Variants in AFP observed in about 807,000 individuals in gnomAD.
AFP encodes the protein alpha-fetoprotein.
Under a neutral mutation model 78.9 loss-of-function variants are expected in AFP, and 64 were observed. The observed-to-expected ratio is 0.81, with a 90% confidence interval of 0.66 to 1.00. The LOEUF (loss-of-function observed/expected upper bound fraction) is 1.00. Among genes scored for constraint, AFP ranks in the 50% least tolerant of loss-of-function variants. The probability of loss-of-function intolerance (pLI) is 0.00; values close to 1 mark genes in which losing one functional copy is unlikely to be tolerated. For synonymous variants in AFP, 254 were observed against 243.8 expected, an observed-to-expected ratio of 1.04 and a Z score of -0.39; for missense variants, 689 against 703.8, an observed-to-expected ratio of 0.98 and a Z score of 0.24.
chr4:73,445,265 C>T (rs1285174178), intron 7 of AFP, 143 bp downstream of exon 7: 13 of 1,000,326 alleles, frequency 1.3e-5, no homozygotes, highest in African/African-American at 3.3e-5. Flanking sequence ...GCAGAATTCT[C>T]GGTAGTAAAA....
chr4:73,443,399 C>A lies in AFP; in HGVS notation c.668C>A (p.Ala223Glu). The A allele has an allele frequency of 6.2e-7, 1 of 1,613,750 alleles. No individual in the cohort carries two copies. The highest frequency in any genetic ancestry group is 1.3e-5 in the African/African-American group (1 of 75,016). Residue 223 changes from alanine to glutamate, a missense_variant, in exon 6 of 15, where the codon GCA becomes GAA. Physicochemically the swap from Ala to Glu is moderately radical, Grantham distance 107. Transcript: ENST00000395792. The stretch of plus-strand genomic sequence containing the variant: ...GAAAGCAGCTTGTTAAATCAACATG[C>A]ATGTGCAGTAATGAAAAATTTTGGG... ...LRESSLLNQH[A>E]CAVMKNFGTR... is the part of the protein sequence containing the mutation.
At chr4:73,445,339 G>A (rs1244326923) in intron 7 of AFP, among the ~76,000 whole-genome samples, 4 of 151,886 alleles carry the variant, frequency 2.6e-5, no homozygotes, top group Non-Finnish European at 5.9e-5. Flanking sequence ...TGAAACCAAG[G>A]CTCATCTATT....
At chr4:73,444,540 C>T (rs575486300) in intron 6 of AFP, among the ~76,000 whole-genome samples, 1 of 152,266 alleles carries the variant, frequency 6.6e-6, no homozygotes, top group South Asian at 2.1e-4. Context: ...TAATCTGCTC[C>T]ACTTTCTTGT....
Position 73,456,039 on chromosome 4 carries a change from T to C in AFP, c.*419T>C, listed in dbSNP as rs1720149714. On this transcript the variant is annotated 3_prime_UTR_variant, in exon 15 of 15. Coordinates refer to ENST00000395792, the MANE Select transcript of AFP (RefSeq NM_001134.3). ...AGTATTCTAACAGATAATCTGGAGA[T>C]GAGAAAAGAAATTATTATTCTTCTA... The C allele has an allele frequency of 1.2e-5, 2 of 171,698 alleles. No homozygotes were observed. The highest frequency in any genetic ancestry group is 1.2e-5 in the Non-Finnish European group (1 of 81,520). The allele number at this position is 171,698 out of a possible 1,614,324, so 10.6% of individuals were successfully genotyped here.
At chr4:73,447,799 C>T in intron 8 of AFP, 123 bp downstream of exon 8, 2 of 816,626 alleles carry the variant, frequency 2.4e-6, no homozygotes, top group Non-Finnish European at 4.0e-6. Context: ...GGATATTTGG[C>T]TAGAATGTTC....
chr4:73,444,287 T>C (rs894631863), intron 6 of AFP, among the ~76,000 whole-genome samples: 1 of 152,142 alleles, frequency 6.6e-6, no homozygotes, highest in Non-Finnish European at 1.5e-5. Flanking sequence ...AAAATAGAAA[T>C]TGAGATAGTA....
Position 73,453,794 on chromosome 4 carries a change from C to G in AFP, c.1682C>G (p.Pro561Arg). 1 of 1,613,676 alleles carries G rather than the reference C, an allele frequency of 6.2e-7. No homozygotes were observed. Among genetic ancestry groups the G allele is most frequent in the Non-Finnish European group, 8.5e-7 (1 of 1,179,720 alleles). The change falls in exon 13 of 15, where the codon CCA becomes CGA. Residue 561 changes from proline (P) to arginine (R), a missense_variant. Transcript: ENST00000395792. ...EFLINLVKQK[P>R]QITEEQLEAV... Reference sequence around the variant, plus strand: ...CTCATTAACCTTGTGAAGCAAAAGCCACAAATAACAGAGGAACAACTTGAG... The same window carrying G: ...CTCATTAACCTTGTGAAGCAAAAGCGACAAATAACAGAGGAACAACTTGAG...
intron 4 of AFP, among the ~76,000 whole-genome samples, chr4:73,442,085 T>C (rs1421118138): frequency 2.0e-5 from 3 of 152,212 alleles, no homozygotes; most frequent in Admixed American, 1.3e-4. Context: ...GTCAGATATT[T>C]TTCCCCCCAG....
chr4:73,448,488 G>A (rs554159176), intron 8 of AFP, among the ~76,000 whole-genome samples: 2 of 152,120 alleles, frequency 1.3e-5, no homozygotes, highest in East Asian at 3.9e-4. Context: ...CTCTATTATT[G>A]CATTAAAATT....
chr4:73,453,975 A>C, intron 13 of AFP, 78 bp downstream of exon 13: 1 of 1,530,196 alleles, frequency 6.5e-7, no homozygotes, highest in South Asian at 1.2e-5. Context: ...AGACCCTACA[A>C]ATTTATAACT....
chr4:73,440,085 C>T lies in AFP; in HGVS notation c.271-517C>T, dbSNP rs139109315. Among the ~76,000 whole-genome samples, 53 of 152,080 alleles carry T rather than the reference C, an allele frequency of 3.5e-4. 1 individual carries two copies. The East Asian group carries it at 3.9e-3, about 11-fold the overall frequency. On this transcript the variant is annotated intron_variant, in intron 3 of 14. Coordinates refer to ENST00000395792, the MANE Select transcript of AFP (RefSeq NM_001134.3). The stretch of plus-strand genomic sequence containing the variant: ...TTTAAATTTAAAGTTCTGGTGTACA[C>T]GGGCAGGATGAGCAGGTCTGTTACA...
chr4:73,446,765 A>C (rs115410492), intron 7 of AFP, among the ~76,000 whole-genome samples: 1,605 of 152,334 alleles, frequency 0.011, 24 homozygotes, highest in African/African-American at 0.037. Context: ...TGCTAATAGA[A>C]ATACATATAG....
At chr4:73,440,386 T>C (rs1181731487) in intron 3 of AFP, among the ~76,000 whole-genome samples, 4 of 152,232 alleles carry the variant, frequency 2.6e-5, no homozygotes, top group Non-Finnish European at 2.9e-5. Flanking sequence ...TGCATGGCTT[T>C]TTTCCTTTTA....
At chr4:73,438,336 G>A (rs773248617) in intron 3 of AFP, 30 bp downstream of exon 3, 1 of 1,591,488 alleles carries the variant, frequency 6.3e-7, no homozygotes, top group Admixed American at 1.8e-5. Context: ...AAAGCATTGT[G>A]ATATTTGACA....
At chr4:73,438,121 A>G in intron 2 of AFP, 53 bp from the exon 3 acceptor site, 1 of 1,606,536 alleles carries the variant, frequency 6.2e-7, no homozygotes, top group East Asian at 2.2e-5. Context: ...CTTGAGAAAA[A>G]TAAGCTTGCT....
At position 73,443,528 on chromosome 4, in the gene AFP, C is replaced by T. The variant is rs375240840; in HGVS notation, c.713+84C>T. ...TTTGGGTTCGTTTTTTTAATTGTTG[C>T]TGTTTTAGAGAATGAAGACCCCTTT... On this transcript the variant is annotated intron_variant, in intron 6 of 14. Transcript: ENST00000395792. 1.4e-4 allele frequency: 143 copies of T among 1,058,878 alleles called. 1 individual carries two copies. The African/African-American group carries it at 2.0e-3, about 15-fold the overall frequency. 65.6% of individuals were successfully genotyped at this position (1,058,878 alleles called of 1,614,324 possible). A position where few individuals can be genotyped will look rare whatever the true frequency, so the allele number is the denominator to read the frequency against.
At chr4:73,445,268 T>A in intron 7 of AFP, 146 bp downstream of exon 7, 1 of 953,584 alleles carries the variant, frequency 1.0e-6, no homozygotes, top group Non-Finnish European at 1.6e-6. Flanking sequence ...GAATTCTCGG[T>A]AGTAAAACTT....
At chr4:73,441,609 C>T (rs1719669287) in intron 4 of AFP, among the ~76,000 whole-genome samples, 2 of 149,948 alleles carry the variant, frequency 1.3e-5, no homozygotes, top group Non-Finnish European at 3.0e-5. Flanking sequence ...AACATGTCTG[C>T]TTGCACAGAG....
chr4:73,453,837 C>T lies in AFP; in HGVS notation c.1725C>T (p.Phe575=). 1 of 1,613,824 alleles carries T rather than the reference C, an allele frequency of 6.2e-7. No homozygotes were observed. The highest frequency in any genetic ancestry group is 8.5e-7 in the Non-Finnish European group (1 of 1,179,798). Reference sequence around the variant, plus strand: ...AACTTGAGGCTGTCATTGCAGATTTCTCAGGCCTGTTGGAGAAATGCTGCC... The same window carrying T: ...AACTTGAGGCTGTCATTGCAGATTTTTCAGGCCTGTTGGAGAAATGCTGCC... ...EEQLEAVIAD[F]SGLLEKCCQG... is the part of the protein sequence containing the mutation. Residue 575 remains phenylalanine, a synonymous_variant, in exon 13 of 15, where the codon TTC becomes TTT. Coordinates refer to ENST00000395792, the MANE Select transcript of AFP (RefSeq NM_001134.3).
Sources: gnomAD v4.1 joint callset for allele counts (sites outside exome capture counted in the v4.1 genomes callset) on GRCh38, gnomAD v4.1.1 for gene constraint, MANE v1.5 for transcripts, NCBI Gene and HGNC (gene_info 2026-07-23, HGNC 2026-07-21) for gene names.